The following CELSR1 variants were observed in gnomAD, a reference collection of about 807,000 sequenced individuals.
CELSR1 encodes the protein cadherin EGF LAG seven-pass G-type receptor 1.
Under a neutral mutation model 249.1 loss-of-function variants are expected in CELSR1, and 110 were observed. That is an observed-to-expected ratio of 0.44 (90% CI 0.38 to 0.52). CELSR1 has a LOEUF of 0.52. Ranked by LOEUF, CELSR1 falls within the 20% of genes least tolerant of loss-of-function variation. CELSR1 has a pLI of 0.00. For missense variants in CELSR1, 4,109 were observed against 4,296.4 expected, an observed-to-expected ratio of 0.96 and a Z score of 1.22; for synonymous variants, 2,113 against 1,900.0, an observed-to-expected ratio of 1.11 and a Z score of -2.92.
rs2080650968 is a variant in CELSR1 at position 46,518,432 on chromosome 22, C to A, written c.3544+15195G>T. ...AAGGCAAACCGATGGTGTGCTCGGG[C>A]ATTCGGGTGGACAGACTGCAGATCC... On this transcript the variant is annotated intron_variant, in intron 1 of 34. Coordinates refer to ENST00000674500, the MANE Select transcript of CELSR1 (RefSeq NM_001378328.1). The surrounding 1 kb of genome is among the most constrained non-coding windows in gnomAD (Gnocchi z 5.2). 6.6e-6 allele frequency among the ~76,000 whole-genome samples: 1 copy of A among 152,226 alleles called. No individual in the cohort carries two copies.
chr22:46,443,315 C>T (rs1467728624), intron 2 of CELSR1, among the ~76,000 whole-genome samples: 1 of 152,218 alleles, frequency 6.6e-6, no homozygotes, highest in Admixed American at 6.5e-5. Context: ...GTGCTTTCCC[C>T]TCCACCCCAG....
chr22:46,375,120 G>C (rs558656102), intron 24 of CELSR1, among the ~76,000 whole-genome samples: 7 of 152,182 alleles, frequency 4.6e-5, no homozygotes, highest in Admixed American at 2.0e-4. Flanking sequence ...AAAAAAGGAG[G>C]AGCAGCTCAG....
In CELSR1 at chr22:46,441,195, G is replaced by C. The variant is rs140070053; in HGVS notation, c.4184-1784C>G. Among the ~76,000 whole-genome samples the C allele has an allele frequency of 4.7e-3, 719 of 152,018 alleles. 6 individuals are homozygous for C. Among genetic ancestry groups the C allele is most frequent in the African/African-American group, 0.016 (680 of 41,468 alleles). ...AGAGACTGCTATAAAGATGGAACTG[G>C]GGGGACATCCAATGTGAGGATACTC... On this transcript the variant is annotated intron_variant, in intron 2 of 34. Transcript: ENST00000674500. The surrounding 1 kb of genome is among the most constrained non-coding windows in gnomAD (Gnocchi z 6.1).
In CELSR1 at chr22:46,390,443, G is replaced by A. The variant is rs2079077664; in HGVS notation, c.6294C>T (p.Pro2098=). The A allele has an allele frequency of 9.9e-6, 16 of 1,613,962 alleles. No homozygotes were observed. Among genetic ancestry groups the A allele is most frequent in the Non-Finnish European group, 1.4e-5 (16 of 1,179,984 alleles). Reference sequence around the variant, plus strand: ...TGGTGGTACAGTTAAAGAGCTCTGGGGGCAGCCAGCCCTTCTCCCCGCTGC... The same window carrying A: ...TGGTGGTACAGTTAAAGAGCTCTGGAGGCAGCCAGCCCTTCTCCCCGCTGC... The part of the protein sequence containing the change: ...RHCSGEKGWL[P]PELFNCTTIS... The change falls in exon 17 of 35, where the codon CCC becomes CCT. Residue 2098 remains proline, a synonymous_variant. Transcript: ENST00000674500. The surrounding 1 kb of genome is among the most constrained non-coding windows in gnomAD (Gnocchi z 6.3).
chr22:46,463,864 G>C lies in CELSR1; in HGVS notation c.4026C>G (p.His1342Gln), dbSNP rs758642008. The C allele has an allele frequency of 6.2e-6, 10 of 1,612,956 alleles. No individual in the cohort carries two copies. The South Asian group carries it at 1.1e-4, about 18-fold the overall frequency. ...AGCGGCAGCGCAGGCCGTTGATGGGGTGGATGGGCCGGAAGAGCACGGTGG... is the reference window on the plus strand; with the variant it reads ...AGCGGCAGCGCAGGCCGTTGATGGGCTGGATGGGCCGGAAGAGCACGGTGG... ...SSTTVLFRPI[H>Q]PINGLRCRCP... The change falls in exon 2 of 35, where the codon CAC (histidine) becomes CAG (glutamine). Residue 1342 changes from histidine to glutamine, a missense_variant. Physicochemically the swap from His to Gln is conservative, Grantham distance 24. Around this residue, in one of 7 missense-constraint regions of CELSR1, gnomAD observed 141 missense variants for 209.4 expected, o/e 0.67. Coordinates refer to ENST00000674500, the MANE Select transcript of CELSR1 (RefSeq NM_001378328.1).
At chr22:46,389,694 T>C (rs907989387) in intron 17 of CELSR1, among the ~76,000 whole-genome samples, 195 bp from the exon 18 acceptor site, 1 of 152,188 alleles carries the variant, frequency 6.6e-6, no homozygotes, top group Non-Finnish European at 1.5e-5. Context: ...GGCGGGTAGA[T>C]CATTTGAGGT....
At position 46,476,778 on chromosome 22, in the gene CELSR1, G is replaced by A. The variant is rs1192170254; in HGVS notation, c.3545-12433C>T. On this transcript the variant is annotated intron_variant, in intron 1 of 34. Coordinates refer to ENST00000674500, the MANE Select transcript of CELSR1 (RefSeq NM_001378328.1). ...TGGTTGCCAAGCGCAAGGGGCAAGA[G>A]GGACCAGAAGTGATTAAGCTTACTG... 6.6e-5 allele frequency among the ~76,000 whole-genome samples: 10 copies of A among 152,034 alleles called. 1 individual carries two copies. The highest frequency in any genetic ancestry group is 1.2e-4 in the Non-Finnish European group (8 of 68,024).
At chr22:46,366,864 G>T (rs1264851805) in intron 29 of CELSR1, 129 bp downstream of exon 29, 2 of 1,317,822 alleles carry the variant, frequency 1.5e-6, no homozygotes, top group Non-Finnish European at 1.0e-6. Context: ...GTGCACCGCG[G>T]GCGGCTCTGC....
rs2080340820 is a variant in CELSR1 at position 46,488,792 on chromosome 22, T to G, written c.3545-24447A>C. On this transcript the variant is annotated intron_variant, in intron 1 of 34. Transcript: ENST00000674500. This position sits in a 1 kb window ranked among gnomAD's most constrained non-coding sequence, Gnocchi z 4.7. Reference sequence around the variant, plus strand: ...CTCCTGCCTCAGCCTCCCGAGTAGCTGGGACTACAGGCGCCCGCCACCAGG... The same window carrying G: ...CTCCTGCCTCAGCCTCCCGAGTAGCGGGGACTACAGGCGCCCGCCACCAGG... 6.6e-6 allele frequency among the ~76,000 whole-genome samples: 1 copy of G among 152,192 alleles called. No homozygotes were observed. The highest frequency in any genetic ancestry group is 2.4e-5 in the African/African-American group (1 of 41,534).
chr22:46,479,481 G>C (rs2147655687), intron 1 of CELSR1, among the ~76,000 whole-genome samples: 1 of 152,248 alleles, frequency 6.6e-6, no homozygotes, highest in Non-Finnish European at 1.5e-5. Flanking sequence ...CACGGTGGCT[G>C]AACCGGCACT....
chr22:46,524,545 T>C (rs533737464), intron 1 of CELSR1, among the ~76,000 whole-genome samples: 54 of 59,014 alleles, frequency 9.2e-4, no homozygotes, highest in African/African-American at 2.3e-3. Context: ...TGTGTGCGTG[T>C]GTGTGTGTGT....
chr22:46,517,563 C>A lies in CELSR1; in HGVS notation c.3544+16064G>T, dbSNP rs1260756447. Among the ~76,000 whole-genome samples, 1 of 152,204 alleles carries A rather than the reference C, an allele frequency of 6.6e-6. No individual in the cohort carries two copies. The highest frequency in any genetic ancestry group is 2.4e-5 in the African/African-American group (1 of 41,452). On this transcript the variant is annotated intron_variant, in intron 1 of 34. Transcript: ENST00000674500. The surrounding 1 kb of genome is among the most constrained non-coding windows in gnomAD (Gnocchi z 5.4). Reference sequence around the variant, plus strand: ...CTCTGTCCACAGTAAGGTGCCCCTGCAGACACGCCGCAAAACACGCCCCTG... The same window carrying A: ...CTCTGTCCACAGTAAGGTGCCCCTGAAGACACGCCGCAAAACACGCCCCTG...
At chr22:46,529,379 T>C (rs1253080777) in intron 1 of CELSR1, among the ~76,000 whole-genome samples, 2 of 152,126 alleles carry the variant, frequency 1.3e-5, no homozygotes, top group East Asian at 1.9e-4. Context: ...ACGTTCACAC[T>C]TGCTTGTGAG....
intron 2 of CELSR1, among the ~76,000 whole-genome samples, chr22:46,457,147 A>G (rs181078766): frequency 2.8e-4 from 42 of 152,284 alleles, no homozygotes; most frequent in Non-Finnish European, 5.4e-4. Flanking sequence ...GAGTTCGAGA[A>G]CAGCTTGGCC....
At chr22:46,480,974 C>T (rs555497184) in intron 1 of CELSR1, among the ~76,000 whole-genome samples, 1 of 152,270 alleles carries the variant, frequency 6.6e-6, no homozygotes, top group Non-Finnish European at 1.5e-5. Context: ...CGGTGGCTCA[C>T]GCCTGTAATC....
chr22:46,410,157 G>T lies in CELSR1; in HGVS notation c.4933+241C>A, dbSNP rs577434596. On this transcript the variant is annotated intron_variant, in intron 7 of 34. Coordinates refer to ENST00000674500, the MANE Select transcript of CELSR1 (RefSeq NM_001378328.1). This position sits in a 1 kb window ranked among gnomAD's most constrained non-coding sequence, Gnocchi z 6.8. ...AGACCCTAGGATCATGTGCGCCTCG[G>T]GTTAGCTGGCTGGGCCAGCAGTGCC... 6.6e-6 allele frequency among the ~76,000 whole-genome samples: 1 copy of T among 152,226 alleles called. No homozygotes were observed. The highest frequency in any genetic ancestry group is 1.5e-5 in the Non-Finnish European group (1 of 68,034).
Position 46,535,334 on chromosome 22 carries a change from C to G in CELSR1, c.1837G>C (p.Gly613Arg), listed in dbSNP as rs143033156. The change falls in exon 1 of 35, where the codon GGG becomes CGG. Residue 613 changes from glycine (G) to arginine (R), a missense_variant. Coordinates refer to ENST00000674500, the MANE Select transcript of CELSR1 (RefSeq NM_001378328.1). ...RLVDTASTFL[G>R]GGSAGPKNPA... ...TTCTTAGGCCCAGCGCTGCCGCCCC[C>G]CAGAAAGGTGGAGGCCGTGTCCACC... 2.5e-6 allele frequency: 4 copies of G among 1,612,238 alleles called. No homozygotes were observed. Among genetic ancestry groups the G allele is most frequent in the East Asian group, 2.2e-5 (1 of 44,886 alleles).
chr22:46,416,457 G>C (rs938759648), intron 5 of CELSR1, among the ~76,000 whole-genome samples: 2 of 147,694 alleles, frequency 1.4e-5, no homozygotes, highest in Admixed American at 6.7e-5. Context: ...AAGCTCAGTA[G>C]CTGGACCTGG....
At chr22:46,457,652 G>A (rs1443356810) in intron 2 of CELSR1, among the ~76,000 whole-genome samples, 1 of 152,254 alleles carries the variant, frequency 6.6e-6, no homozygotes, top group Non-Finnish European at 1.5e-5. Flanking sequence ...ACAGAGATGA[G>A]GAAGGCTTCC....
Sources: allele counts gnomAD v4.1 joint callset (sites outside exome capture counted in the v4.1 genomes callset), GRCh38; gene constraint gnomAD v4.1.1; regional missense constraint gnomAD v4.1.1; non-coding constraint Gnocchi (gnomAD v3.1); transcripts MANE v1.5; gene names NCBI Gene and HGNC (gene_info 2026-07-23, HGNC 2026-07-21).